The following EEF1AKMT3 variants were observed in gnomAD, a reference collection of about 807,000 sequenced individuals.
EEF1AKMT3 encodes the protein eEF1A-KMT3.
Under a neutral mutation model 17.8 loss-of-function variants are expected in EEF1AKMT3, and 17 were observed. That is an observed-to-expected ratio of 0.96 (90% confidence interval 0.65 to 1.43). EEF1AKMT3 has a LOEUF of 1.43. Ranked by LOEUF, EEF1AKMT3 falls within the 40% of genes most tolerant of loss-of-function variation. EEF1AKMT3 has a pLI of 0.00. For synonymous variants in EEF1AKMT3, 116 were observed against 126.5 expected (o/e 0.92, Z 0.56); for missense variants, 244 against 285.8 (o/e 0.85, Z 1.06).
At position 57,772,874 on chromosome 12, in the gene EEF1AKMT3, C is replaced by T; in HGVS notation, c.150C>T (p.Leu50=). 2.5e-6 allele frequency: 4 copies of T among 1,614,118 alleles called. No individual in the cohort carries two copies. Among genetic ancestry groups the T allele is most frequent in the Non-Finnish European group, 3.4e-6 (4 of 1,179,982 alleles). Residue 50 remains leucine, a synonymous_variant, in exon 1 of 3, where the codon CTC becomes CTT. Transcript: ENST00000300209. The surrounding 1 kb of genome is among the most constrained non-coding windows in gnomAD (Gnocchi z 4.1). ...TCACGCAGAACTTTGGGTCCCGCCT[C>T]GGGGTGGCGGCGCGCGTGTGGGACG... The part of the protein sequence containing the change: ...LTITQNFGSR[L]GVAARVWDAA...
In EEF1AKMT3 at chr12:57,778,303, T is replaced by TG. The variant is rs1955492921; in HGVS notation, c.290-1952_290-1951insG. On this transcript the variant is annotated intron_variant, in intron 2 of 2. Coordinates refer to ENST00000300209, the MANE Select transcript of EEF1AKMT3 (RefSeq NM_015433.3). ...AGAAACCATCCTGAGCTTTTTTTTT[T>TG]TTTTTGAGACAGGTTCTCACTCTGT... Among the ~76,000 whole-genome samples, 3 of 125,468 alleles carry TG rather than the reference T, an allele frequency of 2.4e-5. 1 individual carries two copies. Among genetic ancestry groups the TG allele is most frequent in the Non-Finnish European group, 5.0e-5 (3 of 60,454 alleles). 82.3% of individuals were successfully genotyped at this position (125,468 alleles called of 152,430 possible).
intron 2 of EEF1AKMT3, chr12:57,774,833 C>A: frequency 6.8e-7 from 1 of 1,474,380 alleles, no homozygotes; most frequent in Non-Finnish European, 9.2e-7. Flanking sequence ...CGGCCGGGCT[C>A]GGTGGCTCAT....
chr12:57,774,404 C>T lies in EEF1AKMT3; in HGVS notation c.289+1276C>T, dbSNP rs148785820. 3.9e-3 allele frequency among the ~76,000 whole-genome samples: 595 copies of T among 152,236 alleles called. 4 individuals are homozygous for T. Among genetic ancestry groups the T allele is most frequent in the African/African-American group, 0.013 (552 of 41,532 alleles). ...CTGAGACAGGAGAATCGCTTGAACCCGGGAGGTGAAGGTTGCAGTGAACTG... is the reference window on the plus strand; with the variant it reads ...CTGAGACAGGAGAATCGCTTGAACCTGGGAGGTGAAGGTTGCAGTGAACTG... On this transcript the variant is annotated intron_variant, in intron 2 of 2. Coordinates refer to ENST00000300209, the MANE Select transcript of EEF1AKMT3 (RefSeq NM_015433.3).
Position 57,780,778 on chromosome 12 carries a change from T to C in EEF1AKMT3, c.*132T>C. Reference sequence around the variant, plus strand: ...TCCCTGGCCTCTCTCACTTTCCTCCTTCCCTCTTTGTTACCCCAGATACTC... The same window carrying C: ...TCCCTGGCCTCTCTCACTTTCCTCCCTCCCTCTTTGTTACCCCAGATACTC... On this transcript the variant is annotated 3_prime_UTR_variant, in exon 3 of 3. Transcript: ENST00000300209. 8.1e-7 allele frequency: 1 copy of C among 1,234,294 alleles called. No homozygotes were observed. The highest frequency in any genetic ancestry group is 1.1e-6 in the Non-Finnish European group (1 of 902,556). The allele number at this position is 1,234,294 out of a possible 1,614,324, so 76.5% of individuals were successfully genotyped here.
rs962779213 is a variant in EEF1AKMT3 at position 57,772,818 on chromosome 12, C to A, written c.94C>A (p.Gln32Lys). 1.2e-6 allele frequency: 2 copies of A among 1,614,036 alleles called. No individual in the cohort carries two copies. Among genetic ancestry groups the A allele is most frequent in the Non-Finnish European group, 1.7e-6 (2 of 1,180,008 alleles). ...TGCAGACTCTTACTCGGAGAAGAGC[C>A]AGTTCTGTTTCTGTGGGCATGTGCT... ...LFADSYSEKS[Q>K]FCFCGHVLTI... is the part of the protein sequence containing the mutation. Residue 32 changes from glutamine to lysine, a missense_variant, in exon 1 of 3, where the codon CAG (glutamine) becomes AAG (lysine). By Grantham distance (53) the Gln-to-Lys change is moderately conservative. Coordinates refer to ENST00000300209, the MANE Select transcript of EEF1AKMT3 (RefSeq NM_015433.3). The surrounding 1 kb of genome is among the most constrained non-coding windows in gnomAD (Gnocchi z 4.1).
intron 2 of EEF1AKMT3, chr12:57,774,547 T>C: frequency 1.5e-6 from 1 of 662,802 alleles, no homozygotes; most frequent in Non-Finnish European, 2.8e-6. Flanking sequence ...AACCAAAATG[T>C]ATTTCAAGTC....
intron 2 of EEF1AKMT3, among the ~76,000 whole-genome samples, chr12:57,775,376 C>CTTT: frequency 7.3e-6 from 1 of 136,552 alleles, no homozygotes; most frequent in East Asian, 2.2e-4. Context: ...GTTAAATGTT[C>CTTT]TTTTTTTTTT....
At position 57,778,293 on chromosome 12, in the gene EEF1AKMT3, C is replaced by CTTTTTTCTTTTTTTTT. The variant is rs1955492491; in HGVS notation, c.290-1956_290-1955insCTTTTTTTTTTTTTTT. On this transcript the variant is annotated intron_variant, in intron 2 of 2. Transcript: ENST00000300209. ...CCAAACACCCAGAAACCATCCTGAG[C>CTTTTTTCTTTTTTTTT]TTTTTTTTTTTTTTTGAGACAGGTT... 4.5e-5 allele frequency among the ~76,000 whole-genome samples: 2 copies of CTTTTTTCTTTTTTTTT among 43,994 alleles called. 1 individual carries two copies. Among genetic ancestry groups the CTTTTTTCTTTTTTTTT allele is most frequent in the Non-Finnish European group, 7.8e-5 (2 of 25,678 alleles). The allele number at this position is 43,994 out of a possible 152,430, so 28.9% of individuals were successfully genotyped here.
intron 2 of EEF1AKMT3, among the ~76,000 whole-genome samples, chr12:57,777,732 T>C (rs1955488626): frequency 6.6e-6 from 1 of 152,156 alleles, no homozygotes; most frequent in South Asian, 2.1e-4. Flanking sequence ...TTAAATGTCC[T>C]GTTGAAGCCG....
intron 2 of EEF1AKMT3, among the ~76,000 whole-genome samples, chr12:57,773,447 G>C (rs1259235684): frequency 6.6e-6 from 1 of 150,890 alleles, no homozygotes; most frequent in African/African-American, 2.4e-5. Flanking sequence ...GTTTTTTTGA[G>C]ACGGAGTCTC....
chr12:57,772,973 A>C lies in EEF1AKMT3; in HGVS notation c.178-44A>C, dbSNP rs780092343. On this transcript the variant is annotated intron_variant, in intron 1 of 2. Transcript: ENST00000300209. This position sits in a 1 kb window ranked among gnomAD's most constrained non-coding sequence, Gnocchi z 4.1. ...CCCGGACTCCGCCTCTCCCATATGG[A>C]GCCATCCTCACGACTGTCTTTTTCT... The C allele has an allele frequency of 2.0e-5, 32 of 1,613,660 alleles. No homozygotes were observed. The highest frequency in any genetic ancestry group is 2.7e-5 in the Non-Finnish European group (32 of 1,179,740).
In EEF1AKMT3 at chr12:57,782,472, T is replaced by G; in HGVS notation, c.*1826T>G. The G allele has an allele frequency of 6.8e-6, 2 of 293,976 alleles. No individual in the cohort carries two copies. The highest frequency in any genetic ancestry group is 6.4e-6 in the Non-Finnish European group (1 of 155,586). The allele number at this position is 293,976 out of a possible 1,614,324, so 18.2% of individuals were successfully genotyped here. ...CGAACCCATTCACCAACCACACAAG[T>G]TTGTTGTGAGTCATAAATGGATAAT... On this transcript the variant is annotated 3_prime_UTR_variant, in exon 3 of 3. Coordinates refer to ENST00000300209, the MANE Select transcript of EEF1AKMT3 (RefSeq NM_015433.3).
chr12:57,774,284 C>A (rs1955465963), intron 2 of EEF1AKMT3, among the ~76,000 whole-genome samples: 1 of 152,166 alleles, frequency 6.6e-6, no homozygotes, highest in Non-Finnish European at 1.5e-5. Flanking sequence ...AGTTTGAGAC[C>A]AGCCTGACCA....
intron 2 of EEF1AKMT3, 139 bp from the exon 3 acceptor site, chr12:57,780,116 G>A (rs1955502775): frequency 1.1e-6 from 1 of 923,864 alleles, no homozygotes; most frequent in Non-Finnish European, 1.6e-6. Context: ...GGAGGTTGAG[G>A]CAACTAAAAG....
At chr12:57,778,863 A>T (rs573356465) in intron 2 of EEF1AKMT3, among the ~76,000 whole-genome samples, 11 of 150,436 alleles carry the variant, frequency 7.3e-5, no homozygotes, top group Non-Finnish European at 1.6e-4. Flanking sequence ...AGCGTGTGCC[A>T]TTCTTTTTTT....
chr12:57,772,704 G>C lies in EEF1AKMT3; in HGVS notation c.-21G>C. 1 of 1,604,970 alleles carries C rather than the reference G, an allele frequency of 6.2e-7. No individual in the cohort carries two copies. Reference sequence around the variant, plus strand: ...ATCTGAGCGCCGGCCGCGGTGCCCAGGCACTCCCTTGGCGGGCCGGATGGC... The same window carrying C: ...ATCTGAGCGCCGGCCGCGGTGCCCACGCACTCCCTTGGCGGGCCGGATGGC... On this transcript the variant is annotated 5_prime_UTR_variant, in exon 1 of 3. Transcript: ENST00000300209. This position sits in a 1 kb window ranked among gnomAD's most constrained non-coding sequence, Gnocchi z 4.1.
intron 2 of EEF1AKMT3, among the ~76,000 whole-genome samples, chr12:57,779,665 C>CCT (rs60277845): frequency 0.27 from 41,516 of 152,054 alleles, 7,055 homozygotes; most frequent in East Asian, 0.65. Context: ...CATCTTCACC[C>CCT]GTTTCTGCCC....
chr12:57,774,567 C>A, intron 2 of EEF1AKMT3: 1 of 770,490 alleles, frequency 1.3e-6, no homozygotes, highest in Non-Finnish European at 2.3e-6. Flanking sequence ...CCCCTATGTA[C>A]CAAGAATCAT....
At chr12:57,776,508 C>G (rs1423472190) in intron 2 of EEF1AKMT3, among the ~76,000 whole-genome samples, 1 of 152,176 alleles carries the variant, frequency 6.6e-6, no homozygotes, top group Non-Finnish European at 1.5e-5. Flanking sequence ...TCCCAGCTAG[C>G]CTGGTACATT....
Sources: allele counts gnomAD v4.1 joint callset (sites outside exome capture counted in the v4.1 genomes callset), GRCh38; gene constraint gnomAD v4.1.1; non-coding constraint Gnocchi (gnomAD v3.1); transcripts MANE v1.5; gene names NCBI Gene and HGNC (gene_info 2026-07-23, HGNC 2026-07-21).